The following DEAF1 variants were observed in gnomAD, a reference collection of about 807,000 sequenced individuals.
DEAF1 encodes deformed epidermal autoregulatory factor 1 homolog.
DEAF1 carries 53 observed loss-of-function variants against 58.9 expected under a neutral mutation model. That is an observed-to-expected ratio of 0.90 (90% CI 0.72 to 1.13). The LOEUF (loss-of-function observed/expected upper bound fraction) is 1.13, where lower values mean the gene tolerates loss of function less well. Ranked by LOEUF, DEAF1 falls within the 50% of genes most tolerant of loss-of-function variation. DEAF1 has a pLI of 0.00. For synonymous variants in DEAF1, 385 were observed against 340.4 expected (o/e 1.13, Z -1.44); for missense variants, 685 against 791.4 (o/e 0.87, Z 1.61).
intron 11 of DEAF1, among the ~76,000 whole-genome samples, chr11:652,542 G>A (rs954786483): frequency 1.3e-5 from 2 of 152,024 alleles, no homozygotes; most frequent in Non-Finnish European, 2.9e-5. Flanking sequence ...GGAGGCTGAG[G>A]TAGGAGAATC....
chr11:703,626 G>A (rs954047470), intron 1 of DEAF1: 10 of 1,232,766 alleles, frequency 8.1e-6, no homozygotes, highest in East Asian at 6.3e-5. Context: ...TTTCCAAGTC[G>A]GGCTGGAGAC....
At chr11:657,990 C>T (rs1003265008) in intron 10 of DEAF1, among the ~76,000 whole-genome samples, 4 of 152,176 alleles carry the variant, frequency 2.6e-5, no homozygotes, top group Non-Finnish European at 5.9e-5. Flanking sequence ...CACCCAGCGA[C>T]GGTTTCTCAG....
At chr11:680,814 G>A in intron 7 of DEAF1, 149 bp downstream of exon 7, 12 of 1,210,782 alleles carry the variant, frequency 9.9e-6, no homozygotes, top group South Asian at 1.3e-5. Flanking sequence ...GGGACGCACT[G>A]CAAAGGAGTG....
upstream of DEAF1, chr11:695,229 G>A (rs1861070728): frequency 3.6e-6 from 2 of 553,918 alleles, no homozygotes; most frequent in Non-Finnish European, 5.6e-6. Flanking sequence ...GTCCGCCCGC[G>A]GAGCGGAGCC....
At position 644,317 on chromosome 11, in the gene DEAF1, T is replaced by C. The variant is rs1333538016; in HGVS notation, c.*233A>G. ...CCCTGTGGGCAAGACCGGACGCTCA[T>C]GATCCCAGGGATAAAAAATCTGTCC... On this transcript the variant is annotated 3_prime_UTR_variant, in exon 12 of 12. Coordinates refer to ENST00000382409, the MANE Select transcript of DEAF1 (RefSeq NM_021008.4). This position sits in a 1 kb window ranked among gnomAD's most constrained non-coding sequence, Gnocchi z 4.3. 7 of 606,088 alleles carry C rather than the reference T, an allele frequency of 1.2e-5. No individual in the cohort carries two copies. The highest frequency in any genetic ancestry group is 2.6e-5 in the Admixed American group (1 of 38,202). 37.5% of individuals were successfully genotyped at this position (606,088 alleles called of 1,614,324 possible). A position where few individuals can be genotyped will look rare whatever the true frequency, so the allele number is the denominator to read the frequency against.
chr11:691,611 G>C lies in DEAF1; in HGVS notation c.290-13C>G. ...ACTGTGGTCACCTCTGCAACAGAAG[G>C]AGCCTCATTTAACAAGCAACAAAAG... is the stretch of plus-strand genomic sequence containing the variant. On this transcript the variant is annotated splice_polypyrimidine_tract_variant and intron_variant, in intron 1 of 11. Transcript: ENST00000382409. 6.2e-7 allele frequency: 1 copy of C among 1,612,264 alleles called. No individual in the cohort carries two copies. The highest frequency in any genetic ancestry group is 1.1e-5 in the South Asian group (1 of 90,998).
At chr11:646,119 C>T (rs1376956075) in intron 11 of DEAF1, among the ~76,000 whole-genome samples, 1 of 151,916 alleles carries the variant, frequency 6.6e-6, no homozygotes, top group Non-Finnish European at 1.5e-5. Context: ...CGCCTGTGGT[C>T]ATGCGCACCT....
chr11:670,763 TTC>T (rs1172739230), intron 10 of DEAF1, among the ~76,000 whole-genome samples: 10 of 123,774 alleles, frequency 8.1e-5, no homozygotes, highest in Admixed American at 1.9e-4. Flanking sequence ...AATTTCTTTT[TTC>T]TTTTTGTTTT....
intron 11 of DEAF1, chr11:651,392 T>C (rs2133280438): frequency 3.4e-6 from 1 of 296,248 alleles, no homozygotes; most frequent in Non-Finnish European, 6.3e-6. Flanking sequence ...CTGGTCAACA[T>C]AGTAAGACTC....
intron 11 of DEAF1, among the ~76,000 whole-genome samples, chr11:645,848 G>A (rs768958473): frequency 1.6e-4 from 25 of 152,228 alleles, no homozygotes; most frequent in Non-Finnish European, 3.1e-4. Flanking sequence ...AGGCAGCTCC[G>A]TGCACGGGGG....
intron 1 of DEAF1, chr11:704,758 C>T (rs931298900): frequency 1.3e-6 from 1 of 764,520 alleles, no homozygotes; most frequent in South Asian, 1.6e-5. Context: ...GAGAGGCCAG[C>T]CTGGACTGTC....
In DEAF1 at chr11:691,615, C is replaced by A. The variant is rs772496038; in HGVS notation, c.290-17G>T. On this transcript the variant is annotated splice_polypyrimidine_tract_variant and intron_variant, in intron 1 of 11. Coordinates refer to ENST00000382409, the MANE Select transcript of DEAF1 (RefSeq NM_021008.4). ...TGGTCACCTCTGCAACAGAAGGAGC[C>A]TCATTTAACAAGCAACAAAAGCCAG... The A allele has an allele frequency of 6.2e-7, 1 of 1,611,652 alleles. No individual in the cohort carries two copies. Among genetic ancestry groups the A allele is most frequent in the South Asian group, 1.1e-5 (1 of 90,958 alleles).
chr11:678,919 G>A, intron 8 of DEAF1, 97 bp from the exon 9 acceptor site: 1 of 1,521,488 alleles, frequency 6.6e-7, no homozygotes, highest in Non-Finnish European at 8.9e-7. Flanking sequence ...AGTACACATA[G>A]TAGCTTATGG....
chr11:661,062 C>T (rs1051016552), intron 10 of DEAF1, among the ~76,000 whole-genome samples: 16 of 152,200 alleles, frequency 1.1e-4, no homozygotes, highest in African/African-American at 3.9e-4. Flanking sequence ...CCCTTTCATA[C>T]CCTTCTGTGC....
In DEAF1 at chr11:681,007, G is replaced by C. The variant is rs1271981368; in HGVS notation, c.953C>G (p.Ser318Cys). 6.2e-7 allele frequency: 1 copy of C among 1,614,180 alleles called. No homozygotes were observed. Among genetic ancestry groups the C allele is most frequent in the Non-Finnish European group, 8.5e-7 (1 of 1,180,032 alleles). The change falls in exon 7 of 12, where the codon TCC (serine) becomes TGC (cysteine). Residue 318 changes from serine to cysteine, a missense_variant. Physicochemically the swap from Ser to Cys is moderately radical, Grantham distance 112. Coordinates refer to ENST00000382409, the MANE Select transcript of DEAF1 (RefSeq NM_021008.4). ...ELPTTPVKKD[S>C]PKNITLLPAT... ...TGGAAGCAATGTGATGTTCTTGGGG[G>C]AGTCCTTCTTCACGGGAGTTGTGGG...
chr11:645,040 C>G (rs561948377), intron 11 of DEAF1, among the ~76,000 whole-genome samples: 1 of 151,730 alleles, frequency 6.6e-6, no homozygotes, highest in Non-Finnish European at 1.5e-5. Context: ...GCAGGCACCT[C>G]TAATCCCAGC....
At position 694,805 on chromosome 11, in the gene DEAF1, C is replaced by T; in HGVS notation, c.243G>A (p.Glu81=). ...AEPGHMDMGA[E]ALPGPDEAAA... The stretch of plus-strand genomic sequence containing the variant: ...CGGCCTCGTCGGGGCCGGGCAGGGC[C>T]TCGGCGCCCATGTCCATGTGCCCGG... The change falls in exon 1 of 12, where the codon GAG becomes GAA. Residue 81 remains glutamate, a synonymous_variant. Transcript: ENST00000382409. 7.1e-7 allele frequency: 1 copy of T among 1,411,588 alleles called. No homozygotes were observed. Among genetic ancestry groups the T allele is most frequent in the Non-Finnish European group, 9.2e-7 (1 of 1,083,762 alleles). The allele number at this position is 1,411,588 out of a possible 1,614,324, so 87.4% of individuals were successfully genotyped here. A position where few individuals can be genotyped will look rare whatever the true frequency, so the allele number is the denominator to read the frequency against.
chr11:675,367 C>A (rs1860006158), intron 9 of DEAF1, among the ~76,000 whole-genome samples: 1 of 151,918 alleles, frequency 6.6e-6, no homozygotes, highest in Admixed American at 6.6e-5. Flanking sequence ...AAACAGAAAT[C>A]AAAAACAAAG....
chr11:704,517 C>T (rs146422424), intron 1 of DEAF1: 24 of 1,289,456 alleles, frequency 1.9e-5, no homozygotes, highest in Non-Finnish European at 2.4e-5. Flanking sequence ...GGCCACCTCC[C>T]TCACCAGCGC....
Sources: allele counts gnomAD v4.1 joint callset (sites outside exome capture counted in the v4.1 genomes callset), GRCh38; gene constraint gnomAD v4.1.1; non-coding constraint Gnocchi (gnomAD v3.1); transcripts MANE v1.5; gene names NCBI Gene and HGNC (gene_info 2026-07-23, HGNC 2026-07-21).